S100A5: variants seen among roughly 807,000 people sequenced by gnomAD.
S100A5 encodes S100 calcium binding protein A5, also known as protein S100-A5.
In S100A5, 5 loss-of-function variants were observed where a neutral mutation model predicts 6.7. That is an observed-to-expected ratio of 0.75 (90% CI 0.39 to 1.57). The LOEUF is 1.57. Among genes scored for constraint, S100A5 ranks in the 40% most tolerant of loss-of-function variants. The pLI is 0.03. For synonymous variants in S100A5, 49 were observed against 44.9 expected (o/e 1.09, Z -0.37); for missense variants, 129 against 110.8 (o/e 1.16, Z -0.74).
In S100A5 at chr1:153,537,317, GA is replaced by G. The variant is rs1163556561; in HGVS notation, c.257del (p.Phe86SerfsTer3). 6 of 1,613,894 alleles carry G rather than the reference GA, an allele frequency of 3.7e-6. No homozygotes were observed. The highest frequency in any genetic ancestry group is 5.1e-6 in the Non-Finnish European group (6 of 1,179,894). On this transcript the variant is annotated frameshift_variant, in exon 3 of 3. Transcript: ENST00000368717. LOFTEE classifies it high-confidence loss of function. ...LTMLCMAYNDFFLEDNK is the reference protein window; with the variant it reads ...LTMLCMAYNDXFLEDNK ...CTGGTCACTTGTTGTCCTCTAGAAA[GA>G]AGTCGTTGTAGGCCATGCACAGCAT... is the stretch of plus-strand genomic sequence containing the variant.
upstream of S100A5, among the ~76,000 whole-genome samples, chr1:153,542,184 G>A (rs1665410231): frequency 2.0e-5 from 3 of 152,176 alleles, no homozygotes; most frequent in Non-Finnish European, 2.9e-5. Flanking sequence ...GAGACACTCA[G>A]ACATCGTTCT....
chr1:153,542,401 G>C (rs1042410362), upstream of S100A5, among the ~76,000 whole-genome samples: 1 of 152,204 alleles, frequency 6.6e-6, no homozygotes, highest in Non-Finnish European at 1.5e-5. Flanking sequence ...GCGTGACCTG[G>C]GTGGAGGCCC....
Position 153,537,204 on chromosome 1 carries a change from G to A in S100A5, c.*92C>T, listed in dbSNP as rs1005364699. 126 of 1,412,156 alleles carry A rather than the reference G, an allele frequency of 8.9e-5. No individual in the cohort carries two copies. Among genetic ancestry groups the A allele is most frequent in the Non-Finnish European group, 1.2e-4 (117 of 1,017,106 alleles). 87.5% of individuals were successfully genotyped at this position (1,412,156 alleles called of 1,614,324 possible). On this transcript the variant is annotated 3_prime_UTR_variant, in exon 3 of 3. Coordinates refer to ENST00000368717, the MANE Select transcript of S100A5 (RefSeq NM_001394232.1). ...CCCATGGAAGGGTCCATCTGGGAGG[G>A]AGAGGAGGGCAGGGGGCCAAAGAGG...
chr1:153,542,694 C>T (rs1665425987), upstream of S100A5, among the ~76,000 whole-genome samples: 1 of 152,200 alleles, frequency 6.6e-6, no homozygotes, highest in African/African-American at 2.4e-5. Flanking sequence ...GCCTTGAAGT[C>T]TAACCTCAAC....
intron 2 of S100A5, among the ~76,000 whole-genome samples, chr1:153,539,450 A>AAAAAAAAATAT (rs1553214691): frequency 3.2e-5 from 1 of 31,194 alleles, no homozygotes; most frequent in African/African-American, 1.1e-4. Flanking sequence ...AAAAAAAAAA[A>AAAAAAAAATAT]ATATATATAT....
chr1:153,538,224 G>C (rs1371624676), intron 2 of S100A5, among the ~76,000 whole-genome samples: 1 of 152,304 alleles, frequency 6.6e-6, no homozygotes, highest in South Asian at 2.1e-4. Context: ...TAGGAGAGCT[G>C]TGCAAGAGGC....
rs149327889 is a variant in S100A5 at position 153,539,424 on chromosome 1, CAAAAAAAA to C, written c.138+622_138+629del. On this transcript the variant is annotated intron_variant, in intron 2 of 2. Transcript: ENST00000368717. The stretch of plus-strand genomic sequence containing the variant: ...CCTGGGTGACAGAGCGAGACTCTCT[CAAAAAAAA>C]AAAAAAAAAAAAAAAAAAATATATA... Among the ~76,000 whole-genome samples the C allele has an allele frequency of 4.6e-3, 163 of 35,118 alleles. 2 individuals carry two copies. The highest frequency in any genetic ancestry group is 0.02 in the African/African-American group (157 of 7,908). The allele number at this position is 35,118 out of a possible 152,430, so 23.0% of individuals were successfully genotyped here. A position where few individuals can be genotyped will look rare whatever the true frequency, so the allele number is the denominator to read the frequency against.
chr1:153,539,659 G>C (rs961924528), intron 2 of S100A5, among the ~76,000 whole-genome samples: 4 of 151,368 alleles, frequency 2.6e-5, no homozygotes, highest in Non-Finnish European at 4.4e-5. Context: ...CCCTGGCCAT[G>C]CTGTGCACAC....
At position 153,539,210 on chromosome 1, in the gene S100A5, G is replaced by A. The variant is rs1048948144; in HGVS notation, c.138+844C>T. Among the ~76,000 whole-genome samples the A allele has an allele frequency of 6.6e-5, 10 of 151,446 alleles. No individual in the cohort carries two copies. In the East Asian group the frequency reaches 7.8e-4, roughly 12 times the overall value. On this transcript the variant is annotated intron_variant, in intron 2 of 2. Coordinates refer to ENST00000368717, the MANE Select transcript of S100A5 (RefSeq NM_001394232.1). ...TGGGAGTCCGAGGCAGATGGATCAC[G>A]AGGTCAGGTGTTCGAGACCAGCCTG...
At chr1:153,542,566 C>T (rs1665423063), upstream of S100A5, among the ~76,000 whole-genome samples, 1 of 152,116 alleles carries the variant, frequency 6.6e-6, no homozygotes, top group Non-Finnish European at 1.5e-5. Flanking sequence ...GAGAAAAGCC[C>T]CATGTGATGA....
intron 2 of S100A5, 119 bp from the exon 3 acceptor site, chr1:153,537,555 C>T: frequency 3.2e-6 from 4 of 1,259,084 alleles, no homozygotes; most frequent in Non-Finnish European, 4.5e-6. Context: ...GAGTCAATGA[C>T]ACTGTCAGCA....
chr1:153,543,496 C>G (rs1318844157), upstream of S100A5: 2 of 450,304 alleles, frequency 4.4e-6, no homozygotes, highest in East Asian at 7.5e-5. Flanking sequence ...GCATCCCTCC[C>G]CTAACTTCAC....
At chr1:153,537,504 G>C in intron 2 of S100A5, 68 bp from the exon 3 acceptor site, 1 of 1,579,468 alleles carries the variant, frequency 6.3e-7, no homozygotes. Flanking sequence ...ACCACTGCAT[G>C]GTGTCATCCC....
chr1:153,537,756 C>T (rs1275274152), intron 2 of S100A5, among the ~76,000 whole-genome samples: 1 of 152,166 alleles, frequency 6.6e-6, no homozygotes, highest in Non-Finnish European at 1.5e-5. Flanking sequence ...CTGATAAAAA[C>T]AGCTTGCTGG....
rs73024502 is a variant in S100A5 at position 153,537,284 on chromosome 1, G to C, written c.*12C>G. 1.2e-6 allele frequency: 2 copies of C among 1,610,520 alleles called. No individual in the cohort carries two copies. The highest frequency in any genetic ancestry group is 1.7e-6 in the Non-Finnish European group (2 of 1,177,258). Reference sequence around the variant, plus strand: ...GCAAAGGGTGGAGGGTGAGGGTGGAGGGCAGCCCTGGTCACTTGTTGTCCT... The same window carrying C: ...GCAAAGGGTGGAGGGTGAGGGTGGACGGCAGCCCTGGTCACTTGTTGTCCT... On this transcript the variant is annotated 3_prime_UTR_variant, in exon 3 of 3. Coordinates refer to ENST00000368717, the MANE Select transcript of S100A5 (RefSeq NM_001394232.1).
upstream of S100A5, among the ~76,000 whole-genome samples, chr1:153,542,293 G>T (rs944869144): frequency 5.3e-5 from 8 of 152,168 alleles, no homozygotes; most frequent in African/African-American, 9.7e-5. Context: ...CAGCCTGGGG[G>T]GCCTCCCCAC....
intron 2 of S100A5, among the ~76,000 whole-genome samples, 170 bp from the exon 3 acceptor site, chr1:153,537,606 A>G (rs922695377): frequency 9.2e-5 from 14 of 152,284 alleles, no homozygotes; most frequent in African/African-American, 3.4e-4. Context: ...CACCTAGGGA[A>G]GGGCCTGGCA....
upstream of S100A5, chr1:153,541,438 C>A (rs771958301): frequency 3.7e-6 from 5 of 1,367,854 alleles, no homozygotes; most frequent in Non-Finnish European, 4.9e-6. Flanking sequence ...CTCCCTCTCA[C>A]TGCCTTCTGC....
intron 2 of S100A5, 134 bp from the exon 3 acceptor site, chr1:153,537,570 G>C: frequency 8.9e-7 from 1 of 1,124,510 alleles, no homozygotes; most frequent in Non-Finnish European, 1.3e-6. Context: ...TCAGCATCTC[G>C]ACCCCCAGAG....
Sources: gnomAD v4.1 joint callset for allele counts (sites outside exome capture counted in the v4.1 genomes callset) on GRCh38, gnomAD v4.1.1 for gene constraint, MANE v1.5 for transcripts, NCBI Gene and HGNC (gene_info 2026-07-23, HGNC 2026-07-21) for gene names.